LRRTM4: variants seen among roughly 807,000 people sequenced by gnomAD.
LRRTM4 encodes leucine-rich repeat transmembrane neuronal protein 4.
LRRTM4 carries 25 observed loss-of-function variants against 47.6 expected under a neutral mutation model. That is an observed-to-expected ratio of 0.53 (90% confidence interval 0.38 to 0.73). The LOEUF (loss-of-function observed/expected upper bound fraction) is 0.73. Among genes scored for constraint, LRRTM4 ranks in the 30% least tolerant of loss-of-function variants. The pLI is 0.00. For synonymous variants in LRRTM4, 311 were observed against 269.5 expected, an observed-to-expected ratio of 1.15 and a Z score of -1.51; for missense variants, 638 against 713.4, an observed-to-expected ratio of 0.89 and a Z score of 1.20.
At chr2:77,365,491 A>C (rs996217856) in intron 3 of LRRTM4, among the ~76,000 whole-genome samples, 1 of 151,960 alleles carries the variant, frequency 6.6e-6, no homozygotes, top group Non-Finnish European at 1.5e-5. Context: ...AAATAATCTA[A>C]GTTTGGACAT....
intron 3 of LRRTM4, among the ~76,000 whole-genome samples, chr2:76,955,250 T>C (rs1019829886): frequency 2.0e-5 from 3 of 151,740 alleles, no homozygotes; most frequent in African/African-American, 7.3e-5. Flanking sequence ...CAAAAAAGTA[T>C]AAAAATAACT....
chr2:77,061,537 A>T (rs1285792458), intron 3 of LRRTM4, among the ~76,000 whole-genome samples: 1 of 152,194 alleles, frequency 6.6e-6, no homozygotes, highest in African/African-American at 2.4e-5. Context: ...GGTCATGACA[A>T]ACATTCAAAT....
At chr2:77,072,793 C>T (rs1449008943) in intron 3 of LRRTM4, among the ~76,000 whole-genome samples, 15 of 92,212 alleles carry the variant, frequency 1.6e-4, no homozygotes, top group African/African-American at 2.5e-4. Flanking sequence ...AGTGAGACTC[C>T]GTCTTCCAAA....
chr2:76,847,268 T>G (rs1193003728), intron 3 of LRRTM4, among the ~76,000 whole-genome samples: 2 of 152,184 alleles, frequency 1.3e-5, no homozygotes, highest in African/African-American at 4.8e-5. Flanking sequence ...AGCCTGAAAA[T>G]TCTGCTAGAC....
intron 3 of LRRTM4, among the ~76,000 whole-genome samples, chr2:76,813,787 A>G (rs1670817532): frequency 6.6e-6 from 1 of 152,146 alleles, no homozygotes; most frequent in South Asian, 2.1e-4. Flanking sequence ...GATTCACACA[A>G]AGATTGTGAA....
chr2:76,821,605 T>C (rs1438400835), intron 3 of LRRTM4, among the ~76,000 whole-genome samples: 1 of 151,656 alleles, frequency 6.6e-6, no homozygotes, highest in Admixed American at 6.6e-5. Context: ...AAAATAAAAA[T>C]AACCAATATC....
intron 3 of LRRTM4, among the ~76,000 whole-genome samples, chr2:76,797,665 A>G (rs1020616025): frequency 4.0e-5 from 6 of 151,484 alleles, no homozygotes; most frequent in African/African-American, 1.5e-4. Context: ...AAAGACACAG[A>G]CTGGCAAATT....
chr2:77,300,112 A>T (rs952679059), intron 3 of LRRTM4, among the ~76,000 whole-genome samples: 3 of 152,116 alleles, frequency 2.0e-5, no homozygotes, highest in Non-Finnish European at 4.4e-5. Context: ...GGCCTCCCAA[A>T]GTGCTGAAAT....
At chr2:76,841,508 C>T (rs560831461) in intron 3 of LRRTM4, among the ~76,000 whole-genome samples, 3 of 151,784 alleles carry the variant, frequency 2.0e-5, no homozygotes, top group African/African-American at 7.2e-5. Context: ...CTTTAAAAGT[C>T]CTTTGTTACA....
chr2:76,940,337 G>C (rs1290393797), intron 3 of LRRTM4, among the ~76,000 whole-genome samples: 1 of 152,122 alleles, frequency 6.6e-6, no homozygotes, highest in East Asian at 1.9e-4. Context: ...TCATTTGCAG[G>C]AACATGGAGA....
chr2:77,443,225 G>T (rs1440184204), intron 3 of LRRTM4, among the ~76,000 whole-genome samples: 1 of 152,118 alleles, frequency 6.6e-6, no homozygotes, highest in Non-Finnish European at 1.5e-5. Context: ...TCTAAGAAAG[G>T]TTTCAAAAGG....
intron 3 of LRRTM4, among the ~76,000 whole-genome samples, chr2:77,183,839 A>G (rs1673422763): frequency 6.6e-6 from 1 of 152,140 alleles, no homozygotes; most frequent in South Asian, 2.1e-4. Context: ...AGGACAAAAA[A>G]CCAAACACCA....
In LRRTM4 at chr2:77,521,733, C is replaced by A; in HGVS notation, c.-62G>T. On this transcript the variant is annotated 5_prime_UTR_variant, in exon 2 of 4. Coordinates refer to ENST00000409884, the MANE Select transcript of LRRTM4 (RefSeq NM_001134745.3). ...CTTTCTTCTTATTTGGTCTCTTGTG[C>A]GGAAACCACCACCACCTTCATGACA... 13 of 1,589,042 alleles carry A rather than the reference C, an allele frequency of 8.2e-6. No individual in the cohort carries two copies. The highest frequency in any genetic ancestry group is 1.1e-5 in the Non-Finnish European group (13 of 1,159,884).
chr2:76,806,445 G>C (rs1675971798), intron 3 of LRRTM4, among the ~76,000 whole-genome samples: 1 of 152,100 alleles, frequency 6.6e-6, no homozygotes, highest in African/African-American at 2.4e-5. Context: ...GCAGGGCGTG[G>C]TAGCGCACGC....
At position 77,349,531 on chromosome 2, in the gene LRRTM4, T is replaced by TAGGG. The variant is rs1553432432; in HGVS notation, c.1551+168786_1551+168787insCCCT. Among the ~76,000 whole-genome samples, 4 of 152,120 alleles carry TAGGG rather than the reference T, an allele frequency of 2.6e-5. No homozygotes were observed. The East Asian group carries it at 7.7e-4, about 29-fold the overall frequency. On this transcript the variant is annotated intron_variant, in intron 3 of 3. Coordinates refer to ENST00000409884, the MANE Select transcript of LRRTM4 (RefSeq NM_001134745.3). ...GTCATATAACTATGAAGGTAACTGTTAGAGTTTTGTTGTCGTTTGTTTTTT... is the reference window on the plus strand; with the variant it reads ...GTCATATAACTATGAAGGTAACTGTTAGGGAGAGTTTTGTTGTCGTTTGTTTTTT...
At chr2:76,993,354 C>T (rs1039070104) in intron 3 of LRRTM4, among the ~76,000 whole-genome samples, 10 of 151,850 alleles carry the variant, frequency 6.6e-5, no homozygotes, top group Non-Finnish European at 1.5e-4. Context: ...TACTTGCAAA[C>T]TATGTATCTG....
At chr2:76,864,562 C>T (rs1331860624) in intron 3 of LRRTM4, among the ~76,000 whole-genome samples, 1 of 150,632 alleles carries the variant, frequency 6.6e-6, no homozygotes, top group East Asian at 2.0e-4. Context: ...GAGGCTGAGG[C>T]AGGGGAATTG....
At chr2:76,824,373 T>C (rs1017158886) in intron 3 of LRRTM4, among the ~76,000 whole-genome samples, 5 of 151,594 alleles carry the variant, frequency 3.3e-5, no homozygotes, top group African/African-American at 9.7e-5. Flanking sequence ...ATCTGCATAA[T>C]TGTCATAGAA....
chr2:77,137,132 A>G (rs1164792318), intron 3 of LRRTM4, among the ~76,000 whole-genome samples: 1 of 151,838 alleles, frequency 6.6e-6, no homozygotes, highest in Non-Finnish European at 1.5e-5. Context: ...AGAGTACCAC[A>G]AAGATACTCC....
Sources: gnomAD v4.1 joint callset for allele counts (sites outside exome capture counted in the v4.1 genomes callset) on GRCh38, gnomAD v4.1.1 for gene constraint, MANE v1.5 for transcripts, NCBI Gene and HGNC (gene_info 2026-07-23, HGNC 2026-07-21) for gene names.